The following ATP1A4 variants were observed in gnomAD, a reference collection of about 807,000 sequenced individuals.
The protein encoded by ATP1A4 is sodium/potassium-transporting ATPase subunit alpha-4.
In ATP1A4, 90 loss-of-function variants were observed where a neutral mutation model predicts 114.3. The observed-to-expected ratio is 0.79, with a 90% CI of 0.66 to 0.94. ATP1A4 has a LOEUF of 0.94. ATP1A4 is among the 40% of genes least tolerant of loss of function. The probability of loss-of-function intolerance (pLI) is 0.00; values close to 1 mark genes in which losing one functional copy is unlikely to be tolerated. For missense variants in ATP1A4, 1,222 were observed against 1,313.6 expected (o/e 0.93, Z 1.08); for synonymous variants, 511 against 494.1 (o/e 1.03, Z -0.45).
intron 6 of ATP1A4, among the ~76,000 whole-genome samples, chr1:160,163,706 C>T (rs905302928): frequency 6.6e-6 from 1 of 152,144 alleles, no homozygotes; most frequent in African/African-American, 2.4e-5. Flanking sequence ...GATTTCATTA[C>T]ATAGGTATAA....
intron 1 of ATP1A4, 43 bp from the exon 2 acceptor site, chr1:160,153,122 C>G (rs542809948): frequency 1.3e-6 from 2 of 1,556,638 alleles, no homozygotes; most frequent in East Asian, 4.5e-5. Context: ...TGGAAATGAC[C>G]TGGGCCACCC....
chr1:160,177,807 C>A, intron 18 of ATP1A4, 143 bp downstream of exon 18: 1 of 868,390 alleles, frequency 1.2e-6, no homozygotes, highest in Non-Finnish European at 1.8e-6. Flanking sequence ...CCTGTATGAG[C>A]CTTCTCACAC....
intron 13 of ATP1A4, among the ~76,000 whole-genome samples, 193 bp from the exon 14 acceptor site, chr1:160,173,918 T>C (rs1653355462): frequency 1.3e-5 from 2 of 151,614 alleles, no homozygotes; most frequent in African/African-American, 4.9e-5. Context: ...AAGAAAGAGG[T>C]AAAGAGAGGA....
Position 160,155,218 on chromosome 1 carries a change from A to C in ATP1A4, c.381A>C (p.Ile127=). The part of the protein sequence containing the change: ...ILCFVAYSIQ[I]YFNEEPTKDN... ...GCTTTGTGGCCTACAGCATCCAGAT[A>C]TATTTCAATGAGGAGCCTACCAAAG... Residue 127 remains isoleucine (I), a synonymous_variant, in exon 3 of 22, where the codon ATA becomes ATC. Transcript: ENST00000368081. 1 of 1,613,772 alleles carries C rather than the reference A, an allele frequency of 6.2e-7. No individual in the cohort carries two copies. The highest frequency in any genetic ancestry group is 8.5e-7 in the Non-Finnish European group (1 of 1,179,942).
Position 160,164,252 on chromosome 1 carries a change from T to C in ATP1A4, c.875T>C (p.Ile292Thr), listed in dbSNP as rs2101633796. The change falls in exon 7 of 22, where the codon ATC (isoleucine) becomes ACC (threonine). Residue 292 changes from isoleucine to threonine, a missense_variant. Coordinates refer to ENST00000368081, the MANE Select transcript of ATP1A4 (RefSeq NM_144699.4). ...TSGLAVGQTPIAAEIEHFIHL... is the reference protein window; with the variant it reads ...TSGLAVGQTPTAAEIEHFIHL... ...GGCCTGGCGGTTGGCCAGACACCTA[T>C]CGCTGCTGAGATCGAACACTTCATC... The C allele has an allele frequency of 1.2e-6, 2 of 1,614,178 alleles. No individual in the cohort carries two copies. The highest frequency in any genetic ancestry group is 4.5e-5 in the East Asian group (2 of 44,892).
Position 160,181,916 on chromosome 1 carries a change from A to C in ATP1A4, c.2868-14A>C, listed in dbSNP as rs1256520653. On this transcript the variant is annotated splice_polypyrimidine_tract_variant and intron_variant, in intron 19 of 21. Transcript: ENST00000368081. ...TTCTCCCTCCCCGCCACACCCATGA[A>C]TGTTTCTTCCCAGAAACAAAGTCTT... 6.2e-7 allele frequency: 1 copy of C among 1,613,416 alleles called. No homozygotes were observed. The highest frequency in any genetic ancestry group is 1.7e-5 in the Admixed American group (1 of 60,016).
At chr1:160,168,807 C>T (rs992811142) in intron 10 of ATP1A4, among the ~76,000 whole-genome samples, 1 of 152,140 alleles carries the variant, frequency 6.6e-6, no homozygotes, top group Non-Finnish European at 1.5e-5. Context: ...TAAAATAGGT[C>T]TCTTAGGCCC....
intron 6 of ATP1A4, among the ~76,000 whole-genome samples, chr1:160,161,283 C>A (rs1652855264): frequency 6.6e-6 from 1 of 152,172 alleles, no homozygotes; most frequent in Non-Finnish European, 1.5e-5. Context: ...TAACTTTAAC[C>A]TTTACCCTTG....
Position 160,182,042 on chromosome 1 carries a change from G to A in ATP1A4, c.2969+11G>A, listed in dbSNP as rs746620310. ...AATGTACCCACTCAAGTGAGTAAGG[G>A]AAGGGATGCAAGCAGGGGATGTGCA... On this transcript the variant is annotated intron_variant, in intron 20 of 21. Coordinates refer to ENST00000368081, the MANE Select transcript of ATP1A4 (RefSeq NM_144699.4). 2.5e-6 allele frequency: 4 copies of A among 1,605,512 alleles called. No individual in the cohort carries two copies. The highest frequency in any genetic ancestry group is 1.7e-5 in the Admixed American group (1 of 60,006).
chr1:160,168,488 T>A (rs1168211956), intron 10 of ATP1A4, among the ~76,000 whole-genome samples: 1 of 148,658 alleles, frequency 6.7e-6, no homozygotes, highest in Non-Finnish European at 1.5e-5. Flanking sequence ...GTTCAAGGGA[T>A]TCTCCTGTCT....
intron 18 of ATP1A4, among the ~76,000 whole-genome samples, chr1:160,177,988 C>T (rs1381027675): frequency 6.6e-6 from 1 of 152,202 alleles, no homozygotes; most frequent in East Asian, 1.9e-4. Context: ...CAGGTTTCAA[C>T]CATGATTGCC....
At chr1:160,168,688 T>C (rs1157335804) in intron 10 of ATP1A4, among the ~76,000 whole-genome samples, 4 of 152,170 alleles carry the variant, frequency 2.6e-5, no homozygotes, top group Non-Finnish European at 5.9e-5. Flanking sequence ...CTGGCCTCTA[T>C]ATAAATTTTT....
chr1:160,153,134 CT>C (rs770030698), intron 1 of ATP1A4, 30 bp from the exon 2 acceptor site: 6 of 1,601,724 alleles, frequency 3.7e-6, no homozygotes, highest in African/African-American at 2.7e-5. Context: ...GGGCCACCCC[CT>C]GTCCCTCAAT....
intron 6 of ATP1A4, among the ~76,000 whole-genome samples, chr1:160,163,460 A>G (rs1022780085): frequency 7.9e-5 from 12 of 152,156 alleles, no homozygotes; most frequent in Admixed American, 1.3e-4. Context: ...TTAATTTGCT[A>G]GGATGGCTCA....
At chr1:160,166,293 A>T (rs1315310158) in intron 7 of ATP1A4, among the ~76,000 whole-genome samples, 1 of 152,000 alleles carries the variant, frequency 6.6e-6, no homozygotes, top group Non-Finnish European at 1.5e-5. Flanking sequence ...AGAAAAAGAC[A>T]TTTTTTTTAA....
chr1:160,181,771 A>T lies in ATP1A4; in HGVS notation c.2824A>T (p.Ile942Phe). Reference protein sequence around the residue: ...IVVVQWADLIISKTRRNSLFQ... With the variant: ...IVVVQWADLIFSKTRRNSLFQ... The stretch of plus-strand genomic sequence containing the variant: ...GGTTGTGCAGTGGGCGGATCTCATC[A>T]TCTCCAAGACTCGCCGCAACTCACT... Residue 942 changes from isoleucine (I) to phenylalanine (F), a missense_variant, in exon 19 of 22, where the codon ATC becomes TTC. Ile to Phe is a conservative substitution (Grantham distance 21). Coordinates refer to ENST00000368081, the MANE Select transcript of ATP1A4 (RefSeq NM_144699.4). 4 of 1,613,958 alleles carry T rather than the reference A, an allele frequency of 2.5e-6. No individual in the cohort carries two copies. Among genetic ancestry groups the T allele is most frequent in the Non-Finnish European group, 3.4e-6 (4 of 1,180,000 alleles).
At position 160,176,482 on chromosome 1, in the gene ATP1A4, C is replaced by T. The variant is rs1286516181; in HGVS notation, c.2470C>T (p.Pro824Ser). ...ATCCCCACCCTCCATCCTCCAGGTC[C>T]CTGCCATCTCCTTGGCTTATGAGTC... ...LCIDLGTDMVPAISLAYESAE... is the reference protein window; with the variant it reads ...LCIDLGTDMVSAISLAYESAE... Residue 824 changes from proline to serine, a missense_variant, in exon 17 of 22, where the codon CCT becomes TCT. By Grantham distance (74) the Pro-to-Ser change is moderately conservative (BLOSUM62 -1). Coordinates refer to ENST00000368081, the MANE Select transcript of ATP1A4 (RefSeq NM_144699.4). 1 of 1,614,202 alleles carries T rather than the reference C, an allele frequency of 6.2e-7. No individual in the cohort carries two copies. The highest frequency in any genetic ancestry group is 8.5e-7 in the Non-Finnish European group (1 of 1,180,044).
At chr1:160,179,434 TC>T (rs780362572) in intron 18 of ATP1A4, among the ~76,000 whole-genome samples, 4 of 152,102 alleles carry the variant, frequency 2.6e-5, no homozygotes, top group Non-Finnish European at 5.9e-5. Flanking sequence ...AGTTAAGAAT[TC>T]CCCCCTGCAC....
chr1:160,155,294 C>T (rs1571009277), intron 3 of ATP1A4, 46 bp downstream of exon 3: 4 of 1,531,448 alleles, frequency 2.6e-6, no homozygotes, highest in Non-Finnish European at 3.6e-6. Context: ...TCTGCTTAGC[C>T]CCAGACACTC....
Sources: gnomAD v4.1 joint callset for allele counts (sites outside exome capture counted in the v4.1 genomes callset) on GRCh38, gnomAD v4.1.1 for gene constraint, MANE v1.5 for transcripts, NCBI Gene and HGNC (gene_info 2026-07-23, HGNC 2026-07-21) for gene names.